Variants in LOXHD1 observed in about 807,000 individuals in gnomAD.
LOXHD1 encodes the protein lipoxygenase homology domain-containing protein 1.
LOXHD1 carries 205 observed loss-of-function variants against 248.2 expected under a neutral mutation model. That is an observed-to-expected ratio of 0.83 (90% CI 0.74 to 0.93). The LOEUF (loss-of-function observed/expected upper bound fraction) is 0.93. Ranked by LOEUF, LOXHD1 falls within the 40% of genes least tolerant of loss-of-function variation. LOXHD1 has a pLI of 0.00. For missense variants in LOXHD1, 2,930 were observed against 2,971.6 expected (o/e 0.99, Z 0.33); for synonymous variants, 1,113 against 1,162.8 (o/e 0.96, Z 0.87).
chr18:46,638,614 C>G (rs1160769809), intron 4 of LOXHD1, among the ~76,000 whole-genome samples: 1 of 152,066 alleles, frequency 6.6e-6, no homozygotes, highest in Non-Finnish European at 1.5e-5. Flanking sequence ...GCTTGGGCAA[C>G]AAGAGTGAAA....
intron 20 of LOXHD1, chr18:46,558,983 C>T (rs1270682381): frequency 1.5e-5 from 7 of 476,538 alleles, no homozygotes; most frequent in South Asian, 1.2e-4. Context: ...AACTGGCCTC[C>T]CCCATTTCCA....
intron 34 of LOXHD1, among the ~76,000 whole-genome samples, chr18:46,515,433 T>C (rs1170434966): frequency 6.6e-6 from 1 of 151,918 alleles, no homozygotes; most frequent in Non-Finnish European, 1.5e-5. Context: ...AATCAAGAAA[T>C]GATGGCTCCC....
intron 34 of LOXHD1, among the ~76,000 whole-genome samples, chr18:46,515,628 G>T (rs1221082023): frequency 6.6e-6 from 1 of 152,216 alleles, no homozygotes; most frequent in Admixed American, 6.5e-5. Flanking sequence ...TGGAAAACAA[G>T]TTGGAATGTA....
rs1356312563 is a variant in LOXHD1 at position 46,524,494 on chromosome 18, G to A, written c.4848C>T (p.Pro1616=). 2 of 1,551,666 alleles carry A rather than the reference G, an allele frequency of 1.3e-6. No individual in the cohort carries two copies. Among genetic ancestry groups the A allele is most frequent in the East Asian group, 2.4e-5 (1 of 40,914 alleles). Residue 1616 remains proline, a synonymous_variant, in exon 31 of 41, where the codon CCC becomes CCT. Coordinates refer to ENST00000642948, the MANE Select transcript of LOXHD1 (RefSeq NM_001384474.1). ...ADVDISTVTG[P]MADYVQEGPI... ...GGCCCTCTTGAACGTAGTCAGCCAT[G>A]GGCCCGGTCACTGTGCTGATGTCGA...
In LOXHD1 at chr18:46,507,753, C is replaced by G. The variant is rs1467753630; in HGVS notation, c.5518-41G>C. The G allele has an allele frequency of 7.2e-6, 11 of 1,525,574 alleles. No homozygotes were observed. The Admixed American group carries it at 1.2e-4, about 17-fold the overall frequency. 94.5% of individuals were successfully genotyped at this position (1,525,574 alleles called of 1,614,324 possible). ...CCACCGTGGGAATGCCCTGTCCTCC[C>G]TCACCTCCACCAGCACCCCCTGGCT... On this transcript the variant is annotated intron_variant, in intron 35 of 40. Transcript: ENST00000642948.
At chr18:46,559,950 G>T in intron 19 of LOXHD1, 133 bp downstream of exon 19, 1 of 920,108 alleles carries the variant, frequency 1.1e-6, no homozygotes, top group Non-Finnish European at 1.6e-6. Context: ...AGAGCTATTT[G>T]GGAACCATGA....
At chr18:46,525,606 C>G (rs974723581) in intron 29 of LOXHD1, among the ~76,000 whole-genome samples, 2 of 152,100 alleles carry the variant, frequency 1.3e-5, no homozygotes, top group African/African-American at 4.8e-5. Flanking sequence ...CTCTTGTGTG[C>G]TGATTCTTTG....
intron 39 of LOXHD1, among the ~76,000 whole-genome samples, chr18:46,484,357 G>A (rs2032857855): frequency 6.6e-6 from 1 of 152,132 alleles, no homozygotes; most frequent in African/African-American, 2.4e-5. Context: ...GGGTCTTTGA[G>A]AGGTGATGGG....
At chr18:46,622,156 G>A (rs911539637) in intron 4 of LOXHD1, among the ~76,000 whole-genome samples, 1 of 152,172 alleles carries the variant, frequency 6.6e-6, no homozygotes, top group Non-Finnish European at 1.5e-5. Context: ...CTATGCCAGG[G>A]TGGGCAAACT....
At chr18:46,566,503 T>A (rs117598394) in intron 16 of LOXHD1, 54 bp from the exon 17 acceptor site, 3 of 1,469,554 alleles carry the variant, frequency 2.0e-6, no homozygotes, top group Non-Finnish European at 2.8e-6. Flanking sequence ...GAAACCTCCA[T>A]GATCCCATCC....
chr18:46,647,527 T>TA (rs1331804557), intron 2 of LOXHD1, among the ~76,000 whole-genome samples: 1 of 152,184 alleles, frequency 6.6e-6, no homozygotes, highest in Non-Finnish European at 1.5e-5. Context: ...GGCTTCTCCC[T>TA]ACAGCAGTGC....
chr18:46,600,895 A>G (rs1838570708), intron 8 of LOXHD1, among the ~76,000 whole-genome samples: 1 of 152,212 alleles, frequency 6.6e-6, no homozygotes, highest in African/African-American at 2.4e-5. Flanking sequence ...CATATACTTT[A>G]AAATACTTAT....
intron 38 of LOXHD1, 28 bp from the exon 39 acceptor site, chr18:46,485,179 A>T: frequency 6.5e-7 from 1 of 1,539,920 alleles, no homozygotes; most frequent in Non-Finnish European, 8.8e-7. Context: ...GGGGAGGGTC[A>T]GCACAGGGGA....
chr18:46,655,470 G>A (rs1049109117), intron 1 of LOXHD1, among the ~76,000 whole-genome samples: 2 of 152,204 alleles, frequency 1.3e-5, no homozygotes, highest in African/African-American at 2.4e-5. Flanking sequence ...ACGTGGCTGG[G>A]GAGAATCACC....
intron 2 of LOXHD1, among the ~76,000 whole-genome samples, chr18:46,645,970 C>T (rs1396407179): frequency 2.6e-5 from 4 of 152,124 alleles, no homozygotes; most frequent in Non-Finnish European, 5.9e-5. Context: ...AGAGGATGGC[C>T]GAGCTGTAAG....
chr18:46,537,500 C>T (rs2036363582), intron 26 of LOXHD1, among the ~76,000 whole-genome samples: 1 of 152,196 alleles, frequency 6.6e-6, no homozygotes, highest in Non-Finnish European at 1.5e-5. Context: ...CCCTCTCAGG[C>T]AGGATCTGAG....
At chr18:46,606,833 A>T (rs1184966130) in intron 6 of LOXHD1, among the ~76,000 whole-genome samples, 1 of 152,214 alleles carries the variant, frequency 6.6e-6, no homozygotes, top group Non-Finnish European at 1.5e-5. Flanking sequence ...TTGGTTTAAT[A>T]AGTCATGGTA....
intron 2 of LOXHD1, among the ~76,000 whole-genome samples, chr18:46,646,119 A>C (rs1297063886): frequency 6.6e-6 from 1 of 152,236 alleles, no homozygotes; most frequent in African/African-American, 2.4e-5. Context: ...AGGAAAATGC[A>C]GTTGGTTCTA....
chr18:46,653,812 T>C (rs928268698), intron 1 of LOXHD1, among the ~76,000 whole-genome samples: 6 of 152,242 alleles, frequency 3.9e-5, no homozygotes, highest in Non-Finnish European at 1.5e-5. Context: ...TAGGAATAAA[T>C]TCTTCCTTGA....
Sources: gnomAD v4.1 joint callset for allele counts (sites outside exome capture counted in the v4.1 genomes callset) on GRCh38, gnomAD v4.1.1 for gene constraint, MANE v1.5 for transcripts, NCBI Gene and HGNC (gene_info 2026-07-23, HGNC 2026-07-21) for gene names.